Variants in TSGA10 observed in about 807,000 individuals in gnomAD.
TSGA10 encodes testis specific 10.
TSGA10 carries 43 observed loss-of-function variants against 96.6 expected under a neutral mutation model. That is an observed-to-expected ratio of 0.44 (90% confidence interval 0.35 to 0.57). The LOEUF (loss-of-function observed/expected upper bound fraction) is 0.57. Ranked by LOEUF, TSGA10 falls within the 20% of genes least tolerant of loss-of-function variation. The pLI is 0.01. For missense variants in TSGA10, 703 were observed against 834.4 expected (o/e 0.84, Z 1.94); for synonymous variants, 229 against 269.9 (o/e 0.85, Z 1.48).
chr2:99,114,293 A>G (rs1325950403), intron 4 of TSGA10, among the ~76,000 whole-genome samples: 3 of 152,188 alleles, frequency 2.0e-5, no homozygotes, highest in Admixed American at 6.5e-5. Flanking sequence ...TAAAATGCAT[A>G]TCTAATGTCT....
chr2:99,109,852 T>C (rs1011879713), intron 5 of TSGA10, among the ~76,000 whole-genome samples: 3 of 152,108 alleles, frequency 2.0e-5, no homozygotes, highest in Non-Finnish European at 2.9e-5. Context: ...AGAAATGGCA[T>C]GGATTTGCTT....
rs750042796 is a variant in TSGA10 at position 99,105,341 on chromosome 2, CTTT to C, written c.459+15_459+17del. The C allele has an allele frequency of 1.5e-3, 2,142 of 1,447,162 alleles. No individual in the cohort carries two copies. The highest frequency in any genetic ancestry group is 3.5e-3 in the Middle Eastern group (18 of 5,188). 89.6% of individuals were successfully genotyped at this position (1,447,162 alleles called of 1,614,324 possible). On this transcript the variant is annotated intron_variant, in intron 9 of 20. Transcript: ENST00000393483. ...GTGTTTATAGCCAAAAGAGACTTTT[CTTT>C]TTTTTTTTTTTTACATTATGAACTG...
rs989162710 is a variant in TSGA10 at position 99,108,186 on chromosome 2, A to G, written c.210+647T>C. Among the ~76,000 whole-genome samples, 4 of 152,288 alleles carry G rather than the reference A, an allele frequency of 2.6e-5. No homozygotes were observed. In the South Asian group the frequency reaches 8.3e-4, roughly 32 times the overall value. On this transcript the variant is annotated intron_variant, in intron 7 of 20. Coordinates refer to ENST00000393483, the MANE Select transcript of TSGA10 (RefSeq NM_025244.4). ...AAAATCAATAAATACAATATACTTT[A>G]TCTCCCTAACTAGACTGTAAATTTA...
At chr2:99,138,505 G>T (rs1203765738) in intron 1 of TSGA10, among the ~76,000 whole-genome samples, 1 of 152,178 alleles carries the variant, frequency 6.6e-6, no homozygotes, top group Non-Finnish European at 1.5e-5. Context: ...AAAATTTAAT[G>T]ATTCGAACAA....
chr2:99,077,072 T>C (rs1268789681), intron 12 of TSGA10, among the ~76,000 whole-genome samples: 1 of 151,176 alleles, frequency 6.6e-6, no homozygotes, highest in Non-Finnish European at 1.5e-5. Context: ...GTCATAACAG[T>C]ATCTTTATCT....
chr2:99,015,869 A>G (rs540749401), intron 20 of TSGA10, among the ~76,000 whole-genome samples: 79 of 152,278 alleles, frequency 5.2e-4, no homozygotes, highest in African/African-American at 1.7e-3. Context: ...TGAGAAACAA[A>G]TCAATAACTC....
chr2:99,084,485 C>T (rs2087997443), intron 10 of TSGA10, among the ~76,000 whole-genome samples: 1 of 152,152 alleles, frequency 6.6e-6, no homozygotes, highest in African/African-American at 2.4e-5. Flanking sequence ...ACTGGCTCCC[C>T]CTTTGCTTTC....
intron 17 of TSGA10, among the ~76,000 whole-genome samples, chr2:99,030,071 G>A (rs964490665): frequency 2.0e-5 from 3 of 152,218 alleles, no homozygotes; most frequent in African/African-American, 7.2e-5. Context: ...TGTTGGCTGG[G>A]CACGGTGGCT....
chr2:98,997,884 A>G lies in TSGA10; in HGVS notation c.*313T>C, dbSNP rs2077585402. ...GAAAGGAAAGCAGTTTTGTAAAAAC[A>G]CTTTTCCCTGTTTTAATAAGCTTCT... On this transcript the variant is annotated 3_prime_UTR_variant, in exon 21 of 21. Coordinates refer to ENST00000393483, the MANE Select transcript of TSGA10 (RefSeq NM_025244.4). 3 of 249,108 alleles carry G rather than the reference A, an allele frequency of 1.2e-5. No individual in the cohort carries two copies. Among genetic ancestry groups the G allele is most frequent in the Non-Finnish European group, 2.3e-5 (3 of 132,066 alleles). The allele number at this position is 249,108 out of a possible 1,614,324, so 15.4% of individuals were successfully genotyped here. A position where few individuals can be genotyped will look rare whatever the true frequency, so the allele number is the denominator to read the frequency against.
chr2:99,000,588 C>T (rs185299049), intron 20 of TSGA10, among the ~76,000 whole-genome samples: 17 of 151,792 alleles, frequency 1.1e-4, no homozygotes, highest in Admixed American at 7.9e-4. Context: ...CCAGCGTAAG[C>T]GACACAGAAG....
intron 1 of TSGA10, among the ~76,000 whole-genome samples, chr2:99,137,438 G>C (rs867314357): frequency 6.6e-6 from 1 of 152,228 alleles, no homozygotes; most frequent in African/African-American, 2.4e-5. Context: ...GGGAGTACTA[G>C]ATCTTGTAAG....
intron 7 of TSGA10, 99 bp from the exon 8 acceptor site, chr2:99,105,796 A>T: frequency 1.2e-6 from 1 of 823,922 alleles, no homozygotes. Flanking sequence ...ACCTACATCA[A>T]CATGCATGCA....
At chr2:99,100,291 T>TA (rs1024382384) in intron 10 of TSGA10, among the ~76,000 whole-genome samples, 50 of 152,320 alleles carry the variant, frequency 3.3e-4, no homozygotes, top group African/African-American at 1.2e-3. Flanking sequence ...CTTTTACAGT[T>TA]ATAGTAATTA....
rs573402786 is a variant in TSGA10, at chr2:99,144,122, G to A, written c.-621+10571C>T. ...TGGAAGCTCTGCCTCGCGGCTTCAC[G>A]CCATTCTCCTGCCTCAGCCTCCCGA... On this transcript the variant is annotated intron_variant, in intron 1 of 20. Coordinates refer to ENST00000393483, the MANE Select transcript of TSGA10 (RefSeq NM_025244.4). Among the ~76,000 whole-genome samples the A allele has an allele frequency of 6.7e-4, 102 of 152,258 alleles. 1 individual carries two copies. Among genetic ancestry groups the A allele is most frequent in the African/African-American group, 2.4e-3 (98 of 41,564 alleles).
intron 16 of TSGA10, among the ~76,000 whole-genome samples, chr2:99,048,286 C>T (rs1427931129): frequency 6.6e-6 from 1 of 152,112 alleles, no homozygotes; most frequent in Non-Finnish European, 1.5e-5. Context: ...GGAAAAAGAA[C>T]AAAGCTGGAG....
chr2:99,108,404 C>T (rs1467935535), intron 7 of TSGA10, among the ~76,000 whole-genome samples: 1 of 152,122 alleles, frequency 6.6e-6, no homozygotes, highest in South Asian at 2.1e-4. Flanking sequence ...CAATTCTAAG[C>T]TAGAAAGCAG....
intron 12 of TSGA10, among the ~76,000 whole-genome samples, chr2:99,078,038 G>A (rs1436893889): frequency 1.3e-5 from 2 of 151,458 alleles, no homozygotes; most frequent in African/African-American, 4.8e-5. Flanking sequence ...TTGGGAGGCT[G>A]AGGTGGGCGG....
In TSGA10 at chr2:99,148,514, CTG is replaced by C. The variant is rs2093655090; in HGVS notation, c.-621+6177_-621+6178del. ...AGGCTACTACAGTAGACCCAGGACTCTGTTTTGTTATAAACACTGATATTCAG... is the reference window on the plus strand; with the variant it reads ...AGGCTACTACAGTAGACCCAGGACTCTTTTGTTATAAACACTGATATTCAG... On this transcript the variant is annotated intron_variant, in intron 1 of 20. Coordinates refer to ENST00000393483, the MANE Select transcript of TSGA10 (RefSeq NM_025244.4). 2.0e-5 allele frequency among the ~76,000 whole-genome samples: 3 copies of C among 152,188 alleles called. 1 individual carries two copies. The South Asian group carries it at 6.2e-4, about 31-fold the overall frequency.
At chr2:99,033,836 C>T (rs1026553978) in intron 17 of TSGA10, among the ~76,000 whole-genome samples, 2 of 151,718 alleles carry the variant, frequency 1.3e-5, no homozygotes, top group Non-Finnish European at 2.9e-5. Context: ...CGAAACGAAA[C>T]AAAACAAACA....
Sources: allele counts gnomAD v4.1 joint callset (sites outside exome capture counted in the v4.1 genomes callset), GRCh38; gene constraint gnomAD v4.1.1; transcripts MANE v1.5; gene names NCBI Gene and HGNC (gene_info 2026-07-23, HGNC 2026-07-21).